ASIC2: variants seen among roughly 807,000 people sequenced by gnomAD.
The protein encoded by ASIC2 is acid-sensing ion channel 2.
A neutral mutation model predicts 57.3 loss-of-function variants in ASIC2; 25 were observed. That is an observed-to-expected ratio of 0.44 (90% CI 0.32 to 0.61). ASIC2 has a LOEUF of 0.61. ASIC2 is among the 20% of genes least tolerant of loss of function. The pLI, the probability that ASIC2 is intolerant of heterozygous loss-of-function variation, is 0.06. For synonymous variants in ASIC2, 319 were observed against 307.5 expected (o/e 1.04, Z -0.39); for missense variants, 641 against 738.1 (o/e 0.87, Z 1.52).
intron 6 of ASIC2, 37 bp downstream of exon 6, chr17:33,023,823 TC>T (rs773598084): frequency 1.2e-6 from 2 of 1,611,632 alleles, no homozygotes; most frequent in African/African-American, 2.7e-5. Flanking sequence ...CTTATCCAGT[TC>T]CCCCTTCCCC....
chr17:33,507,358 T>G (rs956853163), intron 1 of ASIC2, among the ~76,000 whole-genome samples: 2 of 152,236 alleles, frequency 1.3e-5, no homozygotes, highest in Non-Finnish European at 1.5e-5. Flanking sequence ...ATCATCGCTC[T>G]GTGGTTTCAT....
chr17:33,099,068 C>T (rs2092198571), intron 2 of ASIC2, among the ~76,000 whole-genome samples: 1 of 151,992 alleles, frequency 6.6e-6, no homozygotes, highest in African/African-American at 2.4e-5. Flanking sequence ...TCTTGGCTCA[C>T]TGCAACCTCT....
chr17:33,865,050 A>G (rs1334989744), intron 1 of ASIC2, among the ~76,000 whole-genome samples: 1 of 152,200 alleles, frequency 6.6e-6, no homozygotes, highest in East Asian at 1.9e-4. Flanking sequence ...TCCAATTTTC[A>G]GGATAATGTA....
At chr17:33,950,497 C>T (rs79062105) in intron 1 of ASIC2, among the ~76,000 whole-genome samples, 2,866 of 152,312 alleles carry the variant, frequency 0.019, 51 homozygotes, top group Non-Finnish European at 0.031. Context: ...AAAACCCAAA[C>T]GACGGATCCC....
intron 1 of ASIC2, among the ~76,000 whole-genome samples, chr17:34,131,728 C>A (rs989370899): frequency 6.6e-6 from 1 of 152,256 alleles, no homozygotes; most frequent in African/African-American, 2.4e-5. Context: ...GCTCTGCGTG[C>A]CTTTCCTTTA....
At chr17:33,218,924 C>T (rs912730852) in intron 1 of ASIC2, among the ~76,000 whole-genome samples, 12 of 152,166 alleles carry the variant, frequency 7.9e-5, no homozygotes, top group African/African-American at 2.7e-4. Context: ...TTTCCAACCA[C>T]ACCCGTGGAA....
At chr17:33,253,591 A>G (rs1222833218) in intron 1 of ASIC2, among the ~76,000 whole-genome samples, 1 of 152,242 alleles carries the variant, frequency 6.6e-6, no homozygotes, top group Non-Finnish European at 1.5e-5. Flanking sequence ...CCTCTGCAGC[A>G]TTGACTAGCA....
At chr17:33,966,843 GC>G (rs1209096492) in intron 1 of ASIC2, among the ~76,000 whole-genome samples, 1 of 152,150 alleles carries the variant, frequency 6.6e-6, no homozygotes, top group Non-Finnish European at 1.5e-5. Context: ...CTGGAAATGT[GC>G]TTTGCACTGA....
chr17:33,698,153 C>T (rs1478449517), intron 1 of ASIC2, among the ~76,000 whole-genome samples: 4 of 152,228 alleles, frequency 2.6e-5, no homozygotes, highest in South Asian at 2.1e-4. Context: ...AGTTATAATA[C>T]CAGCATGCTA....
intron 1 of ASIC2, among the ~76,000 whole-genome samples, chr17:33,553,809 A>T (rs987904120): frequency 1.5e-4 from 23 of 152,182 alleles, no homozygotes; most frequent in African/African-American, 5.3e-4. Flanking sequence ...GCTTAGGCTA[A>T]GACAGATAAA....
At chr17:33,714,545 C>T (rs1041090532) in intron 1 of ASIC2, among the ~76,000 whole-genome samples, 17 of 152,044 alleles carry the variant, frequency 1.1e-4, no homozygotes, top group African/African-American at 4.1e-4. Flanking sequence ...TAAAAACACA[C>T]CAAACAATAC....
At chr17:33,021,595 C>A (rs896188414) in intron 6 of ASIC2, among the ~76,000 whole-genome samples, 1 of 152,206 alleles carries the variant, frequency 6.6e-6, no homozygotes, top group African/African-American at 2.4e-5. Flanking sequence ...GGCTTCCAGG[C>A]CTCTGCGCCT....
At chr17:33,663,428 G>A (rs1282270150) in intron 1 of ASIC2, among the ~76,000 whole-genome samples, 1 of 151,354 alleles carries the variant, frequency 6.6e-6, no homozygotes, top group Non-Finnish European at 1.5e-5. Context: ...CTCATTGAAT[G>A]TAACTGAGGC....
chr17:33,265,493 C>T (rs1348647561), intron 1 of ASIC2, among the ~76,000 whole-genome samples: 1 of 152,088 alleles, frequency 6.6e-6, no homozygotes, highest in African/African-American at 2.4e-5. Flanking sequence ...GAACAACACA[C>T]ACTGGGGCCT....
chr17:33,593,196 A>G (rs545074115), intron 1 of ASIC2, among the ~76,000 whole-genome samples: 3 of 152,218 alleles, frequency 2.0e-5, no homozygotes, highest in African/African-American at 7.2e-5. Context: ...TCCACTGCAG[A>G]TGCAGCAATT....
At chr17:33,496,974 A>AC (rs759949402) in intron 1 of ASIC2, among the ~76,000 whole-genome samples, 2 of 151,968 alleles carry the variant, frequency 1.3e-5, no homozygotes, top group Non-Finnish European at 2.9e-5. Context: ...TGAGAATGGG[A>AC]CCATAGCTGT....
At chr17:33,077,981 T>C (rs1227165888) in intron 3 of ASIC2, among the ~76,000 whole-genome samples, 2 of 151,824 alleles carry the variant, frequency 1.3e-5, no homozygotes, top group Non-Finnish European at 2.9e-5. Context: ...AGGCCCTTTT[T>C]CCCCCTTTAA....
intron 1 of ASIC2, among the ~76,000 whole-genome samples, chr17:34,099,294 A>AG (rs1307131954): frequency 3.4e-5 from 5 of 148,966 alleles, no homozygotes; most frequent in South Asian, 2.1e-4. Context: ...AAAGGAAGGA[A>AG]GAAAGAAAGA....
intron 1 of ASIC2, among the ~76,000 whole-genome samples, chr17:33,641,397 T>A (rs545711218): frequency 2.6e-5 from 4 of 152,188 alleles, no homozygotes; most frequent in Non-Finnish European, 5.9e-5. Context: ...TGCAGACATG[T>A]ACACACCCCT....
Sources: allele counts gnomAD v4.1 joint callset (sites outside exome capture counted in the v4.1 genomes callset), GRCh38; gene constraint gnomAD v4.1.1; transcripts MANE v1.5; gene names NCBI Gene and HGNC (gene_info 2026-07-23, HGNC 2026-07-21).